The following SYN2 variants were observed in gnomAD, a reference collection of about 807,000 sequenced individuals.
SYN2 encodes synapsin-2.
In SYN2, 19 loss-of-function variants were observed where a neutral mutation model predicts 50.9. The ratio of observed to expected loss-of-function variants is 0.37; its 90% CI spans 0.26 to 0.55. The LOEUF is 0.55. SYN2 is among the 20% of genes least tolerant of loss of function. SYN2 has a pLI of 0.81. For missense variants in SYN2, 587 were observed against 576.4 expected (o/e 1.02, Z -0.19); for synonymous variants, 255 against 224.9 (o/e 1.13, Z -1.20).
At chr3:12,070,214 CG>C in intron 1 of SYN2, 1 of 398,046 alleles carries the variant, frequency 2.5e-6, no homozygotes. Flanking sequence ...CCTGCTCCTC[CG>C]CCTGTCACAA....
At chr3:12,026,410 A>G (rs947046409) in intron 1 of SYN2, among the ~76,000 whole-genome samples, 2 of 152,132 alleles carry the variant, frequency 1.3e-5, no homozygotes, top group African/African-American at 4.8e-5. Flanking sequence ...AACCTTTAAA[A>G]AAATATATAT....
At chr3:12,044,181 TCACACACACACA>T (rs1553610019) in intron 1 of SYN2, among the ~76,000 whole-genome samples, 185 of 53,354 alleles carry the variant, frequency 3.5e-3, no homozygotes, top group Non-Finnish European at 6.3e-3. Flanking sequence ...TCTCTCTCTC[TCACACACACACA>T]CACACACACA....
chr3:12,069,749 A>C (rs994392665), intron 1 of SYN2, among the ~76,000 whole-genome samples: 4 of 151,548 alleles, frequency 2.6e-5, no homozygotes, highest in Non-Finnish European at 5.9e-5. Flanking sequence ...CCATCTTGTT[A>C]ATTATATTTA....
At chr3:12,027,965 T>TA (rs200137952) in intron 1 of SYN2, among the ~76,000 whole-genome samples, 1 of 145,206 alleles carries the variant, frequency 6.9e-6, no homozygotes, top group African/African-American at 2.5e-5. Flanking sequence ...TTTTTTTTTT[T>TA]ACTGTGCTCT....
intron 3 of SYN2, among the ~76,000 whole-genome samples, chr3:12,144,453 G>A (rs1294964318): frequency 6.6e-6 from 1 of 152,182 alleles, no homozygotes; most frequent in East Asian, 1.9e-4. Flanking sequence ...CTGAGATCAT[G>A]GACCTCTGTG....
intron 1 of SYN2, among the ~76,000 whole-genome samples, chr3:12,096,370 C>T (rs963917505): frequency 6.6e-6 from 1 of 152,100 alleles, no homozygotes; most frequent in Admixed American, 6.5e-5. Context: ...CAGAGTATTA[C>T]AGCAGGTCAG....
intron 1 of SYN2, among the ~76,000 whole-genome samples, chr3:12,118,601 C>T (rs1050601880): frequency 6.6e-6 from 1 of 152,040 alleles, no homozygotes; most frequent in Non-Finnish European, 1.5e-5. Context: ...TTTGTCTGCC[C>T]CAGGACTGTT....
chr3:12,090,087 C>T (rs1695794472), intron 1 of SYN2, among the ~76,000 whole-genome samples: 1 of 152,096 alleles, frequency 6.6e-6, no homozygotes, highest in African/African-American at 2.4e-5. Context: ...CTGACTTGGC[C>T]TCCAGGAGAC....
At chr3:12,134,019 A>G (rs1574958636) in intron 1 of SYN2, among the ~76,000 whole-genome samples, 1 of 152,322 alleles carries the variant, frequency 6.6e-6, no homozygotes, top group East Asian at 1.9e-4. Flanking sequence ...GTTTTGAAAA[A>G]TAGATAGTGG....
chr3:12,075,819 G>A (rs1343980347), intron 1 of SYN2, among the ~76,000 whole-genome samples: 1 of 152,020 alleles, frequency 6.6e-6, no homozygotes, highest in Non-Finnish European at 1.5e-5. Flanking sequence ...ATACCTATTT[G>A]CAACACTAGG....
intron 1 of SYN2, among the ~76,000 whole-genome samples, chr3:12,061,240 T>G (rs1284859369): frequency 6.6e-6 from 1 of 152,084 alleles, no homozygotes; most frequent in East Asian, 1.9e-4. Flanking sequence ...ATATTTTCAA[T>G]AGGTATAAGA....
chr3:12,048,550 A>C (rs1347980700), intron 1 of SYN2, among the ~76,000 whole-genome samples: 1 of 152,224 alleles, frequency 6.6e-6, no homozygotes, highest in African/African-American at 2.4e-5. Context: ...TTAATTGTAG[A>C]ACCCAGTGAT....
chr3:12,042,919 C>T, intron 1 of SYN2, among the ~76,000 whole-genome samples: 1 of 152,150 alleles, frequency 6.6e-6, no homozygotes, highest in East Asian at 1.9e-4. Flanking sequence ...GCCCTACAGC[C>T]TTCGGAGGGA....
At chr3:12,026,471 A>G (rs1044145129) in intron 1 of SYN2, among the ~76,000 whole-genome samples, 1 of 152,174 alleles carries the variant, frequency 6.6e-6, no homozygotes, top group African/African-American at 2.4e-5. Context: ...AGAAGGGGCT[A>G]TAATTAATTT....
intron 1 of SYN2, among the ~76,000 whole-genome samples, chr3:12,076,127 C>T (rs186215396): frequency 9.2e-5 from 14 of 152,182 alleles, no homozygotes; most frequent in Middle Eastern, 3.4e-3. Context: ...ATGCCTGACT[C>T]GCTGCAAAGT....
At chr3:12,123,648 C>T (rs1696607459) in intron 1 of SYN2, among the ~76,000 whole-genome samples, 2 of 152,006 alleles carry the variant, frequency 1.3e-5, no homozygotes, top group Non-Finnish European at 2.9e-5. Context: ...AAGATGGAGA[C>T]AATTATAGAC....
chr3:12,146,065 C>A (rs766751259), intron 4 of SYN2, among the ~76,000 whole-genome samples: 13 of 152,234 alleles, frequency 8.5e-5, no homozygotes, highest in African/African-American at 3.1e-4. Flanking sequence ...CACAGCATCA[C>A]CTGTCACAGG....
intron 1 of SYN2, among the ~76,000 whole-genome samples, chr3:12,140,202 G>T (rs1179620737): frequency 6.6e-6 from 1 of 152,128 alleles, no homozygotes; most frequent in Non-Finnish European, 1.5e-5. Context: ...CTTTGTATGG[G>T]TATGAAGAAG....
intron 1 of SYN2, among the ~76,000 whole-genome samples, chr3:12,082,475 G>C (rs139388230): frequency 2.6e-5 from 4 of 152,200 alleles, no homozygotes; most frequent in African/African-American, 9.6e-5. Context: ...CCAAATTTGC[G>C]AACAGGCTTT....
Sources: gnomAD v4.1 joint callset for allele counts (sites outside exome capture counted in the v4.1 genomes callset) on GRCh38, gnomAD v4.1.1 for gene constraint, MANE v1.5 for transcripts, NCBI Gene and HGNC (gene_info 2026-07-23, HGNC 2026-07-21) for gene names.